Variants in HDAC8 observed in about 807,000 individuals in gnomAD.
The protein encoded by HDAC8 is histone deacetylase 8.
In HDAC8, 1 loss-of-function variant was observed where a neutral mutation model predicts 32.2. The ratio of observed to expected loss-of-function variants is 0.03; its 90% CI spans 0.01 to 0.15. The LOEUF (loss-of-function observed/expected upper bound fraction) is 0.15, where lower values mean the gene tolerates loss of function less well. HDAC8 is among the 10% of genes least tolerant of loss of function. HDAC8 has a pLI of 1.00. For missense variants in HDAC8, 117 were observed against 300.0 expected, an observed-to-expected ratio of 0.39 and a Z score of 4.51; for synonymous variants, 108 against 113.9, an observed-to-expected ratio of 0.95 and a Z score of 0.33.
At chrX:72,509,858 T>C (rs900573117) in intron 4 of HDAC8, among the ~76,000 whole-genome samples, 1 of 111,562 alleles carries the variant, frequency 9.0e-6, no homozygotes, top group African/African-American at 3.3e-5. Context: ...TTCACAGTTT[T>C]CCCTTACCTG....
At chrX:72,530,337 G>A (rs2050292058) in intron 4 of HDAC8, among the ~76,000 whole-genome samples, 1 of 111,336 alleles carries the variant, frequency 9.0e-6, no homozygotes, top group African/African-American at 3.3e-5. Context: ...GTACCATGCA[G>A]CCCCAAACCT....
In HDAC8 at chrX:72,428,307, C is replaced by T. The variant is rs781902821; in HGVS notation, c.1005+33697G>A. Reference sequence around the variant, plus strand: ...CGGGGTTTCACCACGTTGGTCAGGCCGGTCTCGAACTCCTGACCTCGTGAT... The same window carrying T: ...CGGGGTTTCACCACGTTGGTCAGGCTGGTCTCGAACTCCTGACCTCGTGAT... On this transcript the variant is annotated intron_variant, in intron 9 of 10. Transcript: ENST00000373573. Among the ~76,000 whole-genome samples, 36 of 111,915 alleles carry T rather than the reference C, an allele frequency of 3.2e-4. No homozygotes were observed. In the East Asian group the frequency reaches 5.1e-3, roughly 16 times the overall value.
chrX:72,331,425 T>C (rs2043520684), intron 10 of HDAC8, among the ~76,000 whole-genome samples: 1 of 111,393 alleles, frequency 9.0e-6, no homozygotes, highest in Admixed American at 9.6e-5. Flanking sequence ...ACTGATCTGT[T>C]CTCCATCACT....
At chrX:72,511,603 A>T (rs1556021972) in intron 4 of HDAC8, among the ~76,000 whole-genome samples, 1 of 112,076 alleles carries the variant, frequency 8.9e-6, no homozygotes, top group African/African-American at 3.2e-5. Flanking sequence ...AGGTGTGGAT[A>T]GGAGGAAATG....
At chrX:72,513,847 A>C (rs1282969571) in intron 4 of HDAC8, among the ~76,000 whole-genome samples, 1 of 111,850 alleles carries the variant, frequency 8.9e-6, no homozygotes, top group Non-Finnish European at 1.9e-5. Context: ...CCTGTGACCC[A>C]TTGTTCAACT....
chrX:72,459,442 T>A (rs1304483775), intron 9 of HDAC8, among the ~76,000 whole-genome samples: 3 of 110,467 alleles, frequency 2.7e-5, no homozygotes, highest in African/African-American at 9.9e-5. Flanking sequence ...CCCTAGGAGA[T>A]GAAAGAACTA....
chrX:72,540,459 G>A (rs2050666897), intron 4 of HDAC8, among the ~76,000 whole-genome samples: 1 of 111,310 alleles, frequency 9.0e-6, no homozygotes, highest in Admixed American at 9.5e-5. Context: ...CGAGAATGAC[G>A]TTAATAGAAT....
chrX:72,552,778 GA>G (rs34669637), intron 4 of HDAC8, among the ~76,000 whole-genome samples: 2,155 of 87,263 alleles, frequency 0.025, 60 homozygotes, highest in African/African-American at 0.079. Context: ...TCTTGTCTTA[GA>G]AAAAAAAAAA....
intron 4 of HDAC8, among the ~76,000 whole-genome samples, chrX:72,566,303 C>CA (rs1556133727): frequency 9.0e-6 from 1 of 111,069 alleles, no homozygotes; most frequent in Admixed American, 9.6e-5. Context: ...TATTAAAAAA[C>CA]AAAAAACAAA....
intron 9 of HDAC8, among the ~76,000 whole-genome samples, chrX:72,399,995 T>G (rs1417394739): frequency 7.2e-5 from 8 of 111,816 alleles, no homozygotes; most frequent in African/African-American, 2.6e-4. Context: ...AGTTCTCATC[T>G]TACTTGATTT....
intron 9 of HDAC8, among the ~76,000 whole-genome samples, chrX:72,365,805 G>A (rs1362470450): frequency 8.9e-6 from 1 of 111,798 alleles, no homozygotes; most frequent in Non-Finnish European, 1.9e-5. Flanking sequence ...AAAAGCCATG[G>A]ATGGAATTGC....
intron 4 of HDAC8, among the ~76,000 whole-genome samples, chrX:72,520,385 T>G (rs1189869026): frequency 8.9e-6 from 1 of 112,184 alleles, no homozygotes; most frequent in Non-Finnish European, 1.9e-5. Flanking sequence ...AAAAGAACTG[T>G]TTTTTCCAAC....
At chrX:72,438,645 G>A (rs1356238918) in intron 9 of HDAC8, among the ~76,000 whole-genome samples, 1 of 110,958 alleles carries the variant, frequency 9.0e-6, no homozygotes, top group African/African-American at 3.3e-5. Flanking sequence ...GAAAAACACA[G>A]CACGAGAATT....
At chrX:72,570,704 C>T (rs1556150893) in intron 2 of HDAC8, among the ~76,000 whole-genome samples, 2 of 111,146 alleles carry the variant, frequency 1.8e-5, no homozygotes, top group Non-Finnish European at 3.8e-5. Flanking sequence ...ATTACACTAC[C>T]TTCTGGGAGA....
At chrX:72,369,410 G>A (rs782422099) in intron 9 of HDAC8, among the ~76,000 whole-genome samples, 1 of 112,322 alleles carries the variant, frequency 8.9e-6, no homozygotes, top group African/African-American at 3.2e-5. Context: ...TCAATGAGAA[G>A]CTTGACTGAG....
At chrX:72,379,490 G>GTTTTTT (rs1191306787) in intron 9 of HDAC8, among the ~76,000 whole-genome samples, 8 of 38,877 alleles carry the variant, frequency 2.1e-4, no homozygotes, top group Admixed American at 3.9e-4. Flanking sequence ...TTTGTTTAGT[G>GTTTTTT]TTTTTTTTTT....
intron 7 of HDAC8, among the ~76,000 whole-genome samples, chrX:72,470,246 C>T (rs2048133067): frequency 9.0e-6 from 1 of 110,652 alleles, no homozygotes; most frequent in African/African-American, 3.3e-5. Context: ...GAAAAATCTC[C>T]CTATTTCCAT....
intron 9 of HDAC8, among the ~76,000 whole-genome samples, chrX:72,443,250 C>T (rs1334085044): frequency 9.1e-6 from 1 of 109,357 alleles, no homozygotes; most frequent in Admixed American, 9.8e-5. Flanking sequence ...CAGCACCACA[C>T]CACACCTATT....
At chrX:72,548,697 T>C (rs2050953843) in intron 4 of HDAC8, among the ~76,000 whole-genome samples, 1 of 110,452 alleles carries the variant, frequency 9.1e-6, no homozygotes, top group African/African-American at 3.3e-5. Context: ...TCTCTCTCTC[T>C]CTCTCTGAGA....
Sources: allele counts gnomAD v4.1 joint callset (sites outside exome capture counted in the v4.1 genomes callset), GRCh38; gene constraint gnomAD v4.1.1; transcripts MANE v1.5; gene names NCBI Gene and HGNC (gene_info 2026-07-23, HGNC 2026-07-21).